IGHMBP2: variants seen among roughly 807,000 people sequenced by gnomAD.
The protein encoded by IGHMBP2 is DNA-binding protein SMUBP-2.
IGHMBP2 carries 81 observed loss-of-function variants against 96.0 expected under a neutral mutation model. The ratio of observed to expected loss-of-function variants is 0.84; its 90% CI spans 0.71 to 1.01. The LOEUF is 1.01. Ranked by LOEUF, IGHMBP2 falls within the 50% of genes least tolerant of loss-of-function variation. IGHMBP2 has a pLI of 0.00. For synonymous variants in IGHMBP2, 557 were observed against 548.9 expected (o/e 1.01, Z -0.21); for missense variants, 1,227 against 1,306.3 (o/e 0.94, Z 0.94).
chr11:68,930,439 G>T (rs1364520985), intron 8 of IGHMBP2: 1 of 1,288,252 alleles, frequency 7.8e-7, no homozygotes, highest in African/African-American at 1.5e-5. Context: ...TGGCGGGTAT[G>T]TAGAGAGAGG....
intron 7 of IGHMBP2, chr11:68,926,283 T>TAA (rs1859065536): frequency 3.4e-5 from 5 of 148,472 alleles, no homozygotes; most frequent in South Asian, 4.3e-4. Flanking sequence ...TTTTTTTTTT[T>TAA]TTTTTTTAGA....
intron 8 of IGHMBP2, 107 bp from the exon 9 acceptor site, chr11:68,933,192 G>C (rs748257147): frequency 6.1e-6 from 7 of 1,156,908 alleles, no homozygotes; most frequent in Middle Eastern, 2.7e-4. Context: ...GAATCCAGGG[G>C]AGAGTTGGGT....
At chr11:68,934,639 T>C in intron 11 of IGHMBP2, 81 bp downstream of exon 11, 1 of 1,129,408 alleles carries the variant, frequency 8.9e-7, no homozygotes, top group Admixed American at 2.0e-5. Flanking sequence ...GGGTGATTTG[T>C]TGGCTGTGGT....
intron 7 of IGHMBP2, among the ~76,000 whole-genome samples, chr11:68,926,854 C>T (rs888436693): frequency 2.6e-5 from 4 of 152,072 alleles, no homozygotes; most frequent in African/African-American, 9.7e-5. Flanking sequence ...CAACCTCCGT[C>T]TCCTAGGTTC....
intron 7 of IGHMBP2, among the ~76,000 whole-genome samples, chr11:68,924,329 G>T (rs1286781296): frequency 6.6e-6 from 1 of 152,240 alleles, no homozygotes; most frequent in Non-Finnish European, 1.5e-5. Flanking sequence ...GAATGTGTTT[G>T]TGAGACCTCT....
In IGHMBP2 at chr11:68,933,276, C is replaced by G. The variant is rs754583216; in HGVS notation, c.1236-23C>G. 6 of 1,606,008 alleles carry G rather than the reference C, an allele frequency of 3.7e-6. No individual in the cohort carries two copies. In the Admixed American group the frequency reaches 5.1e-5, roughly 14 times the overall value. On this transcript the variant is annotated intron_variant, in intron 8 of 14. Coordinates refer to ENST00000255078, the MANE Select transcript of IGHMBP2 (RefSeq NM_002180.3). ...ACTCTGGGGCTCAGGCCTGCCTTCC[C>G]CCTTTCTCCCTCCTGGGCGCAGGGC...
At position 68,939,780 on chromosome 11, in the gene IGHMBP2, G is replaced by A; in HGVS notation, c.*49G>A. ...GCGGAGCTCTCTCCATGGTAGCCCA[G>A]GGCGCTGGCAGACCATGCTCCGCCT... On this transcript the variant is annotated 3_prime_UTR_variant, in exon 15 of 15. Coordinates refer to ENST00000255078, the MANE Select transcript of IGHMBP2 (RefSeq NM_002180.3). 2.6e-6 allele frequency: 4 copies of A among 1,547,224 alleles called. No homozygotes were observed. Among genetic ancestry groups the A allele is most frequent in the Non-Finnish European group, 3.5e-6 (4 of 1,140,508 alleles).
At position 68,933,148 on chromosome 11, in the gene IGHMBP2, C is replaced by G. The variant is rs1859379392; in HGVS notation, c.1236-151C>G. Reference sequence around the variant, plus strand: ...TGTAGGTGCCTTTGGGGCTGTGATTCAGCCAAACCCGCCCCTTGGTTACTT... The same window carrying G: ...TGTAGGTGCCTTTGGGGCTGTGATTGAGCCAAACCCGCCCCTTGGTTACTT... On this transcript the variant is annotated intron_variant, in intron 8 of 14. Coordinates refer to ENST00000255078, the MANE Select transcript of IGHMBP2 (RefSeq NM_002180.3). 5.3e-6 allele frequency: 4 copies of G among 761,876 alleles called. No homozygotes were observed. The South Asian group carries it at 6.5e-5, about 12-fold the overall frequency. The allele number at this position is 761,876 out of a possible 1,614,324, so 47.2% of individuals were successfully genotyped here.
intron 7 of IGHMBP2, among the ~76,000 whole-genome samples, chr11:68,920,159 T>C (rs1858826590): frequency 6.6e-6 from 1 of 152,234 alleles, no homozygotes; most frequent in Non-Finnish European, 1.5e-5. Flanking sequence ...CATGCAGGAT[T>C]TGTCGTCTTG....
chr11:68,917,872 C>G lies in IGHMBP2; in HGVS notation c.1049C>G (p.Ala350Gly). The G allele has an allele frequency of 1.2e-6, 2 of 1,614,042 alleles. No individual in the cohort carries two copies. The highest frequency in any genetic ancestry group is 1.7e-6 in the Non-Finnish European group (2 of 1,179,992). ...ESLTSANVVL[A>G]TNTGASADGP... ...CTCACTTCGGCAAACGTGGTCCTTG[C>G]AACAAACACAGGTGAGGGGGCGTCT... Residue 350 changes from alanine (A) to glycine (G), a missense_variant, in exon 7 of 15, where the codon GCA (alanine) becomes GGA (glycine). By Grantham distance (60) the Ala-to-Gly change is moderately conservative (BLOSUM62 0). Coordinates refer to ENST00000255078, the MANE Select transcript of IGHMBP2 (RefSeq NM_002180.3).
At chr11:68,929,439 C>T in intron 8 of IGHMBP2, 82 bp downstream of exon 8, 1 of 1,351,282 alleles carries the variant, frequency 7.4e-7, no homozygotes, top group Non-Finnish European at 1.0e-6. Flanking sequence ...GCCCCAGGCT[C>T]ACCAGGAGCC....
rs375694606 is a variant in IGHMBP2 at position 68,911,473 on chromosome 11, C to T, written c.581C>T (p.Thr194Ile). ...PLTFFNTCLD[T>I]SQKEAVLFAL... ...ACATTCTTCAACACCTGCCTGGACACCTCCCAGAAAGAAGCGGTTTTATTT... is the reference window on the plus strand; with the variant it reads ...ACATTCTTCAACACCTGCCTGGACATCTCCCAGAAAGAAGCGGTTTTATTT... The change falls in exon 5 of 15, where the codon ACC becomes ATC. Residue 194 changes from threonine to isoleucine, a missense_variant. By Grantham distance (89) the Thr-to-Ile change is moderately conservative. Around this residue, in one of 3 missense-constraint regions of IGHMBP2, gnomAD observed 507 missense variants for 496.9 expected, o/e 1.02. Coordinates refer to ENST00000255078, the MANE Select transcript of IGHMBP2 (RefSeq NM_002180.3). 2.2e-5 allele frequency: 35 copies of T among 1,614,170 alleles called. No individual in the cohort carries two copies. The African/African-American group carries it at 3.5e-4, about 16-fold the overall frequency.
Position 68,938,318 on chromosome 11 carries a change from C to T in IGHMBP2, c.2748C>T (p.Cys916=), listed in dbSNP as rs1262025951. ...VTTLGQFCQL[C]SRRYCLSHHL... ...CCCTGGGCCAGTTCTGCCAGCTCTG[C>T]AGCCGCCGCTACTGCCTCAGCCACC... Residue 916 remains cysteine (C), a synonymous_variant, in exon 14 of 15, where the codon TGC becomes TGT. Coordinates refer to ENST00000255078, the MANE Select transcript of IGHMBP2 (RefSeq NM_002180.3). 1 of 1,610,590 alleles carries T rather than the reference C, an allele frequency of 6.2e-7. No individual in the cohort carries two copies. The highest frequency in any genetic ancestry group is 1.1e-5 in the South Asian group (1 of 90,896).
chr11:68,939,567 G>A lies in IGHMBP2; in HGVS notation c.2818G>A (p.Ala940Thr), dbSNP rs757839224. 2.2e-5 allele frequency: 36 copies of A among 1,612,568 alleles called. No homozygotes were observed. Among genetic ancestry groups the A allele is most frequent in the Admixed American group, 8.3e-5 (5 of 60,002 alleles). ...HGCGERARAH[A>T]RQRISREGVL... ...CTGCGGTGAGAGGGCTCGCGCCCAT[G>A]CCCGGCAGAGAATCAGCCGGGAAGG... Residue 940 changes from alanine to threonine, a missense_variant, in exon 15 of 15, where the codon GCC becomes ACC. By Grantham distance (58) the Ala-to-Thr change is moderately conservative. Coordinates refer to ENST00000255078, the MANE Select transcript of IGHMBP2 (RefSeq NM_002180.3).
Position 68,934,462 on chromosome 11 carries a change from A to G in IGHMBP2, c.1538-2A>G. On this transcript the variant is annotated splice_acceptor_variant, in intron 10 of 14. Coordinates refer to ENST00000255078, the MANE Select transcript of IGHMBP2 (RefSeq NM_002180.3). LOFTEE classifies it high-confidence loss of function. ...GCTCACCCGTTCTTTCTTTCCCTCC[A>G]GGCGAAGTCCGCCTCGTCAGTTTGC... 1.2e-6 allele frequency: 2 copies of G among 1,604,848 alleles called. No individual in the cohort carries two copies. Among genetic ancestry groups the G allele is most frequent in the Non-Finnish European group, 1.7e-6 (2 of 1,175,224 alleles).
At chr11:68,926,321 A>AGTGCAGTG (rs1472588553) in intron 7 of IGHMBP2, 1 of 128,242 alleles carries the variant, frequency 7.8e-6, no homozygotes, top group African/African-American at 3.1e-5. Context: ...GCCAGACTGG[A>AGTGCAGTG]GTGCAGTGGT....
intron 12 of IGHMBP2, 98 bp downstream of exon 12, chr11:68,935,520 T>C (rs1242191113): frequency 7.0e-7 from 1 of 1,424,430 alleles, no homozygotes; most frequent in Non-Finnish European, 9.8e-7. Flanking sequence ...CACTGGTTTC[T>C]GGCAGTGTGC....
chr11:68,910,773 C>T (rs572711747), intron 4 of IGHMBP2, among the ~76,000 whole-genome samples: 1 of 151,792 alleles, frequency 6.6e-6, no homozygotes, highest in East Asian at 1.9e-4. Context: ...GTCCCAGCTA[C>T]TCTGGAGGCT....
rs1163890280 is a variant in IGHMBP2, at chr11:68,940,426, C to G, written c.*695C>G. 2 of 152,386 alleles carry G rather than the reference C, an allele frequency of 1.3e-5. No homozygotes were observed. The highest frequency in any genetic ancestry group is 2.9e-5 in the Non-Finnish European group (2 of 68,222). The allele number at this position is 152,386 out of a possible 1,614,324, so 9.4% of individuals were successfully genotyped here. On this transcript the variant is annotated 3_prime_UTR_variant, in exon 15 of 15. Coordinates refer to ENST00000255078, the MANE Select transcript of IGHMBP2 (RefSeq NM_002180.3). Reference sequence around the variant, plus strand: ...CTCCCACGTGGTTGTCCCGGGAAAGCTGCCCCACAGCCTCAGCATCTTCAG... The same window carrying G: ...CTCCCACGTGGTTGTCCCGGGAAAGGTGCCCCACAGCCTCAGCATCTTCAG...
Sources: allele counts gnomAD v4.1 joint callset (sites outside exome capture counted in the v4.1 genomes callset), GRCh38; gene constraint gnomAD v4.1.1; regional missense constraint gnomAD v4.1.1; transcripts MANE v1.5; gene names NCBI Gene and HGNC (gene_info 2026-07-23, HGNC 2026-07-21).